The following ZGPAT variants were observed in gnomAD, a reference collection of about 807,000 sequenced individuals.
ZGPAT encodes zinc finger CCCH-type with G patch domain-containing protein.
ZGPAT carries 39 observed loss-of-function variants against 47.9 expected under a neutral mutation model. The observed-to-expected ratio is 0.81, with a 90% CI of 0.63 to 1.06. The LOEUF (loss-of-function observed/expected upper bound fraction) is 1.06, where lower values mean the gene tolerates loss of function less well. Among genes scored for constraint, ZGPAT ranks in the 50% least tolerant of loss-of-function variants. The pLI is 0.00. For synonymous variants in ZGPAT, 348 were observed against 292.9 expected, an observed-to-expected ratio of 1.19 and a Z score of -1.92; for missense variants, 717 against 681.4, an observed-to-expected ratio of 1.05 and a Z score of -0.58.
At chr20:63,721,283 C>T (rs1213221920) in intron 2 of ZGPAT, among the ~76,000 whole-genome samples, 4 of 150,134 alleles carry the variant, frequency 2.7e-5, no homozygotes, top group South Asian at 2.1e-4. Context: ...ACCCAGGGGG[C>T]GGAGGTTGCA....
At chr20:63,715,343 A>C (rs1298831180) in intron 2 of ZGPAT, among the ~76,000 whole-genome samples, 1 of 148,904 alleles carries the variant, frequency 6.7e-6, no homozygotes, top group African/African-American at 2.5e-5. Flanking sequence ...GGGTTCAAGC[A>C]ATTCTCCTGC....
intron 2 of ZGPAT, among the ~76,000 whole-genome samples, chr20:63,714,783 C>T (rs1057501720): frequency 6.6e-6 from 1 of 151,914 alleles, no homozygotes; most frequent in Non-Finnish European, 1.5e-5. Flanking sequence ...GGTGAGACTA[C>T]AGGCATGAGC....
chr20:63,728,935 G>A (rs2091869980), intron 2 of ZGPAT, among the ~76,000 whole-genome samples: 1 of 152,132 alleles, frequency 6.6e-6, no homozygotes. Flanking sequence ...TCTCTTCTCA[G>A]TGAGTTCTCA....
intron 2 of ZGPAT, among the ~76,000 whole-genome samples, chr20:63,710,793 G>A (rs1002198421): frequency 1.3e-5 from 2 of 152,148 alleles, no homozygotes; most frequent in Non-Finnish European, 2.9e-5. Flanking sequence ...TAACTTCTGT[G>A]TCATAATAGG....
intron 4 of ZGPAT, chr20:63,734,311 T>G: frequency 3.3e-6 from 1 of 305,254 alleles, no homozygotes. Flanking sequence ...GGATCAGTGA[T>G]GGTGGTTTCT....
intron 2 of ZGPAT, among the ~76,000 whole-genome samples, chr20:63,727,111 A>C (rs2091853098): frequency 6.6e-6 from 1 of 152,164 alleles, no homozygotes; most frequent in South Asian, 2.1e-4. Flanking sequence ...GGTATCAGAC[A>C]GAGAAGCTTC....
At chr20:63,722,643 T>C (rs188689248) in intron 2 of ZGPAT, among the ~76,000 whole-genome samples, 21 of 144,530 alleles carry the variant, frequency 1.5e-4, no homozygotes, top group African/African-American at 5.2e-4. Flanking sequence ...AAGTACAGCA[T>C]TTTTTTTTTT....
chr20:63,733,634 A>G lies in ZGPAT; in HGVS notation c.766A>G (p.Arg256Gly), dbSNP rs1317966438. ...AGTCAAGTTTGACTCGCTGCTGCTG[A>G]GGGAGGCCGTGGTGGAGGGGGACGG... ...YTVKFDSLLL[R>G]EAVVEGDGIL... Residue 256 changes from arginine to glycine, a missense_variant, in exon 4 of 7, where the codon AGG becomes GGG. Physicochemically the swap from Arg to Gly is moderately radical, Grantham distance 125. Transcript: ENST00000355969. 6.2e-7 allele frequency: 1 copy of G among 1,613,890 alleles called. No individual in the cohort carries two copies. Among genetic ancestry groups the G allele is most frequent in the African/African-American group, 1.3e-5 (1 of 74,920 alleles).
At chr20:63,709,466 C>T (rs2091631132) in intron 2 of ZGPAT, among the ~76,000 whole-genome samples, 2 of 152,078 alleles carry the variant, frequency 1.3e-5, no homozygotes, top group African/African-American at 2.4e-5. Flanking sequence ...GGTGAAACCC[C>T]ATCTCCTTAA....
chr20:63,734,931 C>T lies in ZGPAT; in HGVS notation c.991+107C>T, dbSNP rs151237255. 3.2e-4 allele frequency: 454 copies of T among 1,413,392 alleles called. 2 individuals are homozygous for T. The highest frequency in any genetic ancestry group is 7.4e-5 in the Non-Finnish European group (79 of 1,067,354). The allele number at this position is 1,413,392 out of a possible 1,614,324, so 87.6% of individuals were successfully genotyped here. On this transcript the variant is annotated intron_variant, in intron 5 of 6. Transcript: ENST00000355969. ...CGCAGCCATCGGGTTCCCAGGGTCCCGCAGCCACAGCACTGCCATCCCCGT... is the reference window on the plus strand; with the variant it reads ...CGCAGCCATCGGGTTCCCAGGGTCCTGCAGCCACAGCACTGCCATCCCCGT...
At chr20:63,715,833 TAGAGAG>T (rs35733523) in intron 2 of ZGPAT, among the ~76,000 whole-genome samples, 17 of 150,720 alleles carry the variant, frequency 1.1e-4, no homozygotes, top group Admixed American at 8.0e-4. Flanking sequence ...CAATCATATA[TAGAGAG>T]AGAGAGAGAG....
chr20:63,724,253 C>G (rs1022478304), intron 2 of ZGPAT, among the ~76,000 whole-genome samples: 2 of 151,216 alleles, frequency 1.3e-5, no homozygotes, highest in African/African-American at 4.9e-5. Context: ...GTAATCCCAG[C>G]TACTCGGGAG....
chr20:63,735,185 G>C lies in ZGPAT; in HGVS notation c.1018G>C (p.Val340Leu). ...TTTGGGCCGACACGCGGAAGGCCGG[G>C]TGGAGCCCATCCATGCTGTGGTGTT... is the stretch of plus-strand genomic sequence containing the variant. ...KGLGRHAEGR[V>L]EPIHAVVLPR... The change falls in exon 6 of 7, where the codon GTG becomes CTG. Residue 340 changes from valine to leucine, a missense_variant. Transcript: ENST00000355969. 1 of 1,531,290 alleles carries C rather than the reference G, an allele frequency of 6.5e-7. No homozygotes were observed. Among genetic ancestry groups the C allele is most frequent in the Non-Finnish European group, 8.8e-7 (1 of 1,139,040 alleles). 94.9% of individuals were successfully genotyped at this position (1,531,290 alleles called of 1,614,324 possible).
At chr20:63,720,322 AT>A (rs1163676027) in intron 2 of ZGPAT, among the ~76,000 whole-genome samples, 3 of 151,782 alleles carry the variant, frequency 2.0e-5, no homozygotes, top group African/African-American at 7.2e-5. Context: ...CTCCTGGCTA[AT>A]TTTTTGTATT....
rs2091942223 is a variant in ZGPAT at position 63,733,309 on chromosome 20, G to T, written c.675G>T (p.Leu225=). The T allele has an allele frequency of 1.9e-6, 3 of 1,613,242 alleles. No homozygotes were observed. Among genetic ancestry groups the T allele is most frequent in the Non-Finnish European group, 2.5e-6 (3 of 1,179,960 alleles). The change falls in exon 3 of 7, where the codon CTG becomes CTT. Residue 225 remains leucine, a synonymous_variant. Transcript: ENST00000355969. ...LSSLQAGSAC[L]AKHQDGLWHA... ...CCCTGCAGGCCGGCTCTGCGTGTCT[G>T]GCCAAGCACCAGGATGGCCTCTGGC...
chr20:63,719,401 A>T (rs1328797288), intron 2 of ZGPAT, among the ~76,000 whole-genome samples: 1 of 152,204 alleles, frequency 6.6e-6, no homozygotes. Flanking sequence ...CTTTATGCAT[A>T]CATTGATGTG....
intron 2 of ZGPAT, among the ~76,000 whole-genome samples, chr20:63,730,962 CTCTCTCTCTG>C (rs1195093292): frequency 4.4e-4 from 37 of 83,404 alleles, no homozygotes; most frequent in East Asian, 1.9e-3. Flanking sequence ...CTCTCTCTCT[CTCTCTCTCTG>C]TGTGTGTGTG....
chr20:63,711,413 C>G (rs936273639), intron 2 of ZGPAT, among the ~76,000 whole-genome samples: 14 of 152,170 alleles, frequency 9.2e-5, no homozygotes, highest in African/African-American at 3.4e-4. Flanking sequence ...AGTAGAAGAA[C>G]TGAGTGGTCC....
intron 2 of ZGPAT, among the ~76,000 whole-genome samples, chr20:63,717,554 C>A (rs958013296): frequency 8.5e-5 from 12 of 141,796 alleles, no homozygotes; most frequent in Non-Finnish European, 1.4e-4. Context: ...GCTTTCACTG[C>A]ATTCCATAAG....
Sources: gnomAD v4.1 joint callset for allele counts (sites outside exome capture counted in the v4.1 genomes callset) on GRCh38, gnomAD v4.1.1 for gene constraint, MANE v1.5 for transcripts, NCBI Gene and HGNC (gene_info 2026-07-23, HGNC 2026-07-21) for gene names.